The following CARMIL3 variants were observed in gnomAD, a reference collection of about 807,000 sequenced individuals.
The protein encoded by CARMIL3 is capping protein regulator and myosin 1 linker 3, also known as capping protein, Arp2/3 and myosin-I linker protein 3.
CARMIL3 carries 88 observed loss-of-function variants against 180.8 expected under a neutral mutation model. The observed-to-expected ratio is 0.49, with a 90% CI of 0.41 to 0.58. The LOEUF (loss-of-function observed/expected upper bound fraction) is 0.58. CARMIL3 is among the 20% of genes least tolerant of loss of function. The pLI is 0.00. For synonymous variants in CARMIL3, 696 were observed against 714.5 expected (o/e 0.97, Z 0.41); for missense variants, 1,548 against 1,787.0 (o/e 0.87, Z 2.41).
intron 14 of CARMIL3, 26 bp from the exon 15 acceptor site, chr14:24,057,777 G>T: frequency 6.3e-7 from 1 of 1,599,380 alleles, no homozygotes; most frequent in Non-Finnish European, 8.5e-7. Flanking sequence ...CAGCTCCCCT[G>T]AGACCCACCA....
chr14:24,052,895 C>T (rs1342657450), intron 1 of CARMIL3, among the ~76,000 whole-genome samples: 1 of 152,232 alleles, frequency 6.6e-6, no homozygotes, highest in Non-Finnish European at 1.5e-5. Flanking sequence ...AACCCTGACC[C>T]CCAGAGACGG....
At chr14:24,063,853 T>C (rs1180185240) in intron 31 of CARMIL3, among the ~76,000 whole-genome samples, 1 of 151,900 alleles carries the variant, frequency 6.6e-6, no homozygotes, top group Non-Finnish European at 1.5e-5. Flanking sequence ...CCCAGCACTT[T>C]GGGAGGCTGA....
At chr14:24,057,095 G>A in intron 13 of CARMIL3, 71 bp downstream of exon 13, 1 of 1,594,506 alleles carries the variant, frequency 6.3e-7, no homozygotes, top group Non-Finnish European at 8.6e-7. Flanking sequence ...GAGGCCTTCT[G>A]CCCCATGGCC....
chr14:24,054,148 G>A lies in CARMIL3; in HGVS notation c.186+10G>A, dbSNP rs1409927199. The A allele has an allele frequency of 1.2e-6, 2 of 1,614,174 alleles. No individual in the cohort carries two copies. Among genetic ancestry groups the A allele is most frequent in the South Asian group, 2.2e-5 (2 of 91,086 alleles). On this transcript the variant is annotated intron_variant, in intron 3 of 39. Coordinates refer to ENST00000342740, the MANE Select transcript of CARMIL3 (RefSeq NM_138360.4). This position sits in a 1 kb window ranked among gnomAD's most constrained non-coding sequence, Gnocchi z 5.1. ...TAAAGTCCCGGCCAAGGTGAGTTGG[G>A]CTGAGGAGCAGGAGAGCACCTGGCA...
rs147582607 is a variant in CARMIL3 at position 24,062,722 on chromosome 14, C to T, written c.2582C>T (p.Thr861Ile). The T allele has an allele frequency of 8.4e-5, 136 of 1,609,780 alleles. No homozygotes were observed. The highest frequency in any genetic ancestry group is 6.7e-5 in the East Asian group (3 of 44,826). Residue 861 changes from threonine to isoleucine, a missense_variant, in exon 29 of 40, where the codon ACC becomes ATC. This residue lies in a region of CARMIL3 where 668 missense variants were observed against 687.8 expected (regional missense o/e 0.97). Coordinates refer to ENST00000342740, the MANE Select transcript of CARMIL3 (RefSeq NM_138360.4). ...HSHKSLARHL[T>I]QLRTLSDPPG... ...GCCCTTCCCCAGGCCCGGCACCTGA[C>T]CCAGCTAAGGACGCTGTCAGATCCA...
At chr14:24,066,343 C>A (rs986662609) in intron 34 of CARMIL3, 55 bp from the exon 35 acceptor site, 11 of 1,588,552 alleles carry the variant, frequency 6.9e-6, no homozygotes, top group Non-Finnish European at 9.5e-6. Context: ...CCTTTGTCAG[C>A]TGCAGTCCTG....
chr14:24,067,115 G>A (rs544522815), intron 36 of CARMIL3, among the ~76,000 whole-genome samples: 4 of 152,328 alleles, frequency 2.6e-5, no homozygotes, highest in African/African-American at 9.6e-5. Context: ...ACGCAGAAAG[G>A]TGCCCCAAAC....
At chr14:24,068,761 C>T in intron 37 of CARMIL3, 25 bp from the exon 38 acceptor site, 1 of 1,614,002 alleles carries the variant, frequency 6.2e-7, no homozygotes, top group Non-Finnish European at 8.5e-7. Flanking sequence ...GACTAACTGA[C>T]CCAGCATCTT....
At chr14:24,063,687 T>C (rs2035756242) in intron 31 of CARMIL3, among the ~76,000 whole-genome samples, 154 bp downstream of exon 31, 1 of 151,954 alleles carries the variant, frequency 6.6e-6, no homozygotes, top group African/African-American at 2.4e-5. Flanking sequence ...ATTGCCCAGT[T>C]TTTATGAGAG....
In CARMIL3 at chr14:24,068,683, T is replaced by G; in HGVS notation, c.3782T>G (p.Leu1261Arg). 6.2e-7 allele frequency: 1 copy of G among 1,613,750 alleles called. No individual in the cohort carries two copies. The highest frequency in any genetic ancestry group is 8.5e-7 in the Non-Finnish European group (1 of 1,179,832). Reference protein sequence around the residue: ...KEGTLFPERTLPARNAKLQDP... With the variant: ...KEGTLFPERTRPARNAKLQDP... Reference sequence around the variant, plus strand: ...GGGACCCTCTTCCCAGAGAGGACACTTCCAGCTAGGAATGCCAAGGTGAGA... The same window carrying G: ...GGGACCCTCTTCCCAGAGAGGACACGTCCAGCTAGGAATGCCAAGGTGAGA... The change falls in exon 37 of 40, where the codon CTT becomes CGT. Residue 1261 changes from leucine (L) to arginine (R), a missense_variant. Physicochemically the swap from Leu to Arg is moderately radical, Grantham distance 102. Around this residue, in one of 4 missense-constraint regions of CARMIL3, gnomAD observed 668 missense variants for 687.8 expected, o/e 0.97. Transcript: ENST00000342740.
chr14:24,056,642 C>T lies in CARMIL3; in HGVS notation c.886C>T (p.Gln296Ter). 1 of 1,613,886 alleles carries T rather than the reference C, an allele frequency of 6.2e-7. No homozygotes were observed. The highest frequency in any genetic ancestry group is 8.5e-7 in the Non-Finnish European group (1 of 1,180,022). The change falls in exon 12 of 40, where the codon CAG (glutamine) becomes TAG (stop). Residue 296 changes from glutamine (Q) to a stop codon, truncating the protein, a stop_gained. Transcript: ENST00000342740. LOFTEE classifies it high-confidence loss of function. ...EDKGFLSLSQQLLCFPSGLTK... is the reference protein window; with the variant it reads ...EDKGFLSLSQ ...CCCAGGTTTTCTCAGTCTGAGCCAG[C>T]AGCTCCTCTGCTTCCCCTCTGGCCT...
At chr14:24,060,584 G>A (rs948412671) in intron 24 of CARMIL3, 44 bp from the exon 25 acceptor site, 7 of 1,606,232 alleles carry the variant, frequency 4.4e-6, no homozygotes, top group South Asian at 1.1e-5. Context: ...CTGCGAAGAT[G>A]TGGAAGCAGG....
Position 24,052,143 on chromosome 14 carries a change from C to T in CARMIL3, c.-11C>T, listed in dbSNP as rs761132681. 1.2e-4 allele frequency: 182 copies of T among 1,575,936 alleles called. No individual in the cohort carries two copies. The highest frequency in any genetic ancestry group is 1.5e-4 in the Non-Finnish European group (177 of 1,166,880). ...GGCTCCTCTGCAGCAGCCTCAGCAG[C>T]AGCGGCCGCCATGGCCAAGCCCAGC... is the stretch of plus-strand genomic sequence containing the variant. On this transcript the variant is annotated 5_prime_UTR_variant, in exon 1 of 40. An upstream open reading frame in the 5' UTR gains an earlier in-frame stop. Coordinates refer to ENST00000342740, the MANE Select transcript of CARMIL3 (RefSeq NM_138360.4).
Position 24,065,764 on chromosome 14 carries a change from G to A in CARMIL3, c.3525+14G>A, listed in dbSNP as rs781087997. ...GGGAAACGAGAGGTGAGTGGAGCCT[G>A]GGACAACAAACTGTGGGTCCTGAGG... On this transcript the variant is annotated intron_variant, in intron 34 of 39. Coordinates refer to ENST00000342740, the MANE Select transcript of CARMIL3 (RefSeq NM_138360.4). The A allele has an allele frequency of 6.2e-7, 1 of 1,613,296 alleles. No individual in the cohort carries two copies. The highest frequency in any genetic ancestry group is 1.3e-5 in the African/African-American group (1 of 75,008).
chr14:24,057,892 G>T lies in CARMIL3; in HGVS notation c.1217+13G>T. On this transcript the variant is annotated intron_variant, in intron 15 of 39. Coordinates refer to ENST00000342740, the MANE Select transcript of CARMIL3 (RefSeq NM_138360.4). The stretch of plus-strand genomic sequence containing the variant: ...GCTGCTCCCACAGGTGGGAGAGGAG[G>T]GGGAAGGGAGGACAGGGCAAGACAT... The T allele has an allele frequency of 6.2e-7, 1 of 1,613,080 alleles. No individual in the cohort carries two copies. The highest frequency in any genetic ancestry group is 8.5e-7 in the Non-Finnish European group (1 of 1,179,942).
At position 24,065,734 on chromosome 14, in the gene CARMIL3, T is replaced by A; in HGVS notation, c.3509T>A (p.Phe1170Tyr). 3.1e-6 allele frequency: 5 copies of A among 1,613,990 alleles called. No individual in the cohort carries two copies. The highest frequency in any genetic ancestry group is 4.2e-6 in the Non-Finnish European group (5 of 1,179,906). ...PGLERAKGWS[F>Y]DGKREGPGPD... ...TTGGAAAGAGCCAAGGGTTGGAGCTTCGATGGGAAACGAGAGGTGAGTGGA... is the reference window on the plus strand; with the variant it reads ...TTGGAAAGAGCCAAGGGTTGGAGCTACGATGGGAAACGAGAGGTGAGTGGA... The change falls in exon 34 of 40, where the codon TTC becomes TAC. Residue 1170 changes from phenylalanine (F) to tyrosine (Y), a missense_variant. Physicochemically the swap from Phe to Tyr is conservative, Grantham distance 22. Around this residue, in one of 4 missense-constraint regions of CARMIL3, gnomAD observed 668 missense variants for 687.8 expected, o/e 0.97. Transcript: ENST00000342740.
At chr14:24,068,992 G>A (rs2035825771) in intron 38 of CARMIL3, 26 bp downstream of exon 38, 3 of 1,540,450 alleles carry the variant, frequency 1.9e-6, no homozygotes, top group East Asian at 2.4e-5. Flanking sequence ...TGAGTGGGGG[G>A]CTCAGGGCAC....
intron 24 of CARMIL3, 92 bp from the exon 25 acceptor site, chr14:24,060,536 C>T (rs1319694384): frequency 3.9e-6 from 6 of 1,527,338 alleles, no homozygotes; most frequent in Admixed American, 1.9e-5. Flanking sequence ...CCACCACTGT[C>T]GGTGCCAGCA....
intron 7 of CARMIL3, 34 bp from the exon 8 acceptor site, chr14:24,055,203 G>A (rs746335266): frequency 2.5e-6 from 4 of 1,613,906 alleles, no homozygotes; most frequent in Non-Finnish European, 3.4e-6. Flanking sequence ...GAAGGAAGTG[G>A]GGAGCAGGTG....
Sources: allele counts gnomAD v4.1 joint callset (sites outside exome capture counted in the v4.1 genomes callset), GRCh38; gene constraint gnomAD v4.1.1; regional missense constraint gnomAD v4.1.1; non-coding constraint Gnocchi (gnomAD v3.1); transcripts MANE v1.5; gene names NCBI Gene and HGNC (gene_info 2026-07-23, HGNC 2026-07-21).